Variants in IZUMO2 observed in about 807,000 individuals in gnomAD.
IZUMO2 encodes izumo sperm-egg fusion protein 2.
IZUMO2 carries 24 observed loss-of-function variants against 31.2 expected under a neutral mutation model. The ratio of observed to expected loss-of-function variants is 0.77; its 90% CI spans 0.56 to 1.08. The LOEUF is 1.08. IZUMO2 is among the 50% of genes least tolerant of loss of function. The probability of loss-of-function intolerance (pLI) is 0.00; values close to 1 mark genes in which losing one functional copy is unlikely to be tolerated. For missense variants in IZUMO2, 278 were observed against 274.0 expected (o/e 1.01, Z -0.10); for synonymous variants, 144 against 117.3 (o/e 1.23, Z -1.47).
chr19:50,162,234 G>C (rs2030423532), intron 2 of IZUMO2, among the ~76,000 whole-genome samples: 1 of 152,114 alleles, frequency 6.6e-6, no homozygotes, highest in South Asian at 2.1e-4. Context: ...AGTGAGCAGA[G>C]ATTGTGGCAC....
chr19:50,159,113 T>C, intron 4 of IZUMO2, 117 bp downstream of exon 4: 1 of 970,190 alleles, frequency 1.0e-6, no homozygotes, highest in Non-Finnish European at 1.6e-6. Flanking sequence ...TACCATGGCT[T>C]TGGGGTAAGG....
At position 50,162,796 on chromosome 19, in the gene IZUMO2, G is replaced by A. The variant is rs1231077796; in HGVS notation, c.250C>T (p.Leu84Phe). Residue 84 changes from leucine to phenylalanine, a missense_variant, in exon 2 of 7, where the codon CTT becomes TTT. Transcript: ENST00000293405. ...TGGTTCTTGACAAAGGACGCCACAA[G>A]GTCCAGTTGATTTGTCTCTGGGGGG... The part of the protein sequence containing the change: ...VGKVETNQLD[L>F]VASFVKNQTQ... 3 of 1,613,756 alleles carry A rather than the reference G, an allele frequency of 1.9e-6. No homozygotes were observed. The highest frequency in any genetic ancestry group is 4.5e-5 in the East Asian group (2 of 44,884).
chr19:50,153,072 AG>A (rs2030082352), intron 6 of IZUMO2, among the ~76,000 whole-genome samples: 2 of 152,286 alleles, frequency 1.3e-5, no homozygotes, highest in South Asian at 4.1e-4. Flanking sequence ...GATGTAATTA[AG>A]TTAAGGTGAC....
intron 4 of IZUMO2, among the ~76,000 whole-genome samples, chr19:50,158,962 T>C (rs1044678213): frequency 1.9e-4 from 29 of 152,234 alleles, no homozygotes; most frequent in Non-Finnish European, 4.3e-4. Flanking sequence ...AATAAACCTT[T>C]GTTGTGTTAA....
At chr19:50,155,923 C>A (rs1025332680) in intron 5 of IZUMO2, among the ~76,000 whole-genome samples, 1 of 152,198 alleles carries the variant, frequency 6.6e-6, no homozygotes, top group Non-Finnish European at 1.5e-5. Flanking sequence ...CCACACTGGC[C>A]TTCTCCTCCT....
Position 50,154,699 on chromosome 19 carries a change from T to C in IZUMO2, c.524A>G (p.Gln175Arg), listed in dbSNP as rs768910034. The C allele has an allele frequency of 1.2e-6, 2 of 1,613,962 alleles. No individual in the cohort carries two copies. The highest frequency in any genetic ancestry group is 2.2e-5 in the South Asian group (2 of 91,076). ...FVDRQPRVAL[Q>R]YQMDSKYPRN... ...CGGGTATTTGCTGTCCATCTGGTAC[T>C]GCAGGGCCACGCGGGGTTGCCGGTC... is the stretch of plus-strand genomic sequence containing the variant. Residue 175 changes from glutamine (Q) to arginine (R), a missense_variant, in exon 6 of 7, where the codon CAG (glutamine) becomes CGG (arginine). By Grantham distance (43) the Gln-to-Arg change is conservative. Transcript: ENST00000293405.
Position 50,154,630 on chromosome 19 carries a change from G to C in IZUMO2, c.593C>G (p.Ala198Gly). ...LLGILISVSLAVFVFVVIVVS... is the reference protein window; with the variant it reads ...LLGILISVSLGVFVFVVIVVS... ...CACGATGACCACGAAGACAAAGACAGCCAGAGACACAGAAATGAGGATGCC... is the reference window on the plus strand; with the variant it reads ...CACGATGACCACGAAGACAAAGACACCCAGAGACACAGAAATGAGGATGCC... Residue 198 changes from alanine to glycine, a missense_variant, in exon 6 of 7, where the codon GCT (alanine) becomes GGT (glycine). Transcript: ENST00000293405. 1 of 1,614,048 alleles carries C rather than the reference G, an allele frequency of 6.2e-7. No individual in the cohort carries two copies. The highest frequency in any genetic ancestry group is 8.5e-7 in the Non-Finnish European group (1 of 1,179,996).
Position 50,154,626 on chromosome 19 carries a change from G to A in IZUMO2, c.597C>T (p.Val199=), listed in dbSNP as rs776480137. Residue 199 remains valine (V), a synonymous_variant, in exon 6 of 7, where the codon GTC becomes GTT. Coordinates refer to ENST00000293405, the MANE Select transcript of IZUMO2 (RefSeq NM_152358.3). Reference sequence around the variant, plus strand: ...AGACCACGATGACCACGAAGACAAAGACAGCCAGAGACACAGAAATGAGGA... The same window carrying A: ...AGACCACGATGACCACGAAGACAAAAACAGCCAGAGACACAGAAATGAGGA... ...LGILISVSLA[V]FVFVVIVVSA... is the part of the protein sequence containing the mutation. 3.1e-6 allele frequency: 5 copies of A among 1,614,044 alleles called. No individual in the cohort carries two copies. Among genetic ancestry groups the A allele is most frequent in the Non-Finnish European group, 4.2e-6 (5 of 1,179,988 alleles).
chr19:50,154,001 A>T (rs1169480210), intron 6 of IZUMO2, among the ~76,000 whole-genome samples: 1 of 67,118 alleles, frequency 1.5e-5, no homozygotes, highest in Non-Finnish European at 2.7e-5. Flanking sequence ...GGGGCCGGAG[A>T]AGGGGCTGGG....
chr19:50,159,079 C>G, intron 4 of IZUMO2, 151 bp downstream of exon 4: 1 of 736,626 alleles, frequency 1.4e-6, no homozygotes, highest in Non-Finnish European at 2.4e-6. Flanking sequence ...TTTCATAAAC[C>G]TTTAAAAAGC....
intron 5 of IZUMO2, 22 bp from the exon 6 acceptor site, chr19:50,154,748 C>T: frequency 6.2e-7 from 1 of 1,611,468 alleles, no homozygotes. Context: ...GGGGAAACAG[C>T]CCCGACCTCC....
chr19:50,161,669 C>T (rs2030405884), intron 2 of IZUMO2, among the ~76,000 whole-genome samples: 1 of 152,158 alleles, frequency 6.6e-6, no homozygotes, highest in South Asian at 2.1e-4. Context: ...CCCTAGACCC[C>T]CTCATGGCTG....
chr19:50,154,538 G>A (rs955532620), intron 6 of IZUMO2, 62 bp downstream of exon 6: 40 of 1,581,478 alleles, frequency 2.5e-5, no homozygotes, highest in African/African-American at 4.1e-5. Flanking sequence ...CAGGGGAGTC[G>A]CCATTTTTGA....
intron 2 of IZUMO2, among the ~76,000 whole-genome samples, chr19:50,161,221 T>A (rs2030390571): frequency 6.6e-6 from 1 of 150,550 alleles, no homozygotes; most frequent in Non-Finnish European, 1.5e-5. Flanking sequence ...GCCTCCTGGG[T>A]TCAAGCAATT....
chr19:50,154,264 G>GTTTTTTTGTTTTTTTTT lies in IZUMO2; in HGVS notation c.623+335_623+336insAAAAAAAAACAAAAAAA, dbSNP rs2030129784. The stretch of plus-strand genomic sequence containing the variant: ...GCATCCACCAAATATAACTTTTAGC[G>GTTTTTTTGTTTTTTTTT]TTTTTTTTTTTTTTTTTTTTTTTTT... On this transcript the variant is annotated intron_variant, in intron 6 of 6. Transcript: ENST00000293405. Among the ~76,000 whole-genome samples, 4 of 79,280 alleles carry GTTTTTTTGTTTTTTTTT rather than the reference G, an allele frequency of 5.0e-5. 2 individuals are homozygous for GTTTTTTTGTTTTTTTTT. Among genetic ancestry groups the GTTTTTTTGTTTTTTTTT allele is most frequent in the Non-Finnish European group, 5.0e-5 (2 of 40,134 alleles). The allele number at this position is 79,280 out of a possible 152,430, so 52.0% of individuals were successfully genotyped here.
intron 2 of IZUMO2, among the ~76,000 whole-genome samples, chr19:50,161,106 G>C (rs1275928357): frequency 6.6e-6 from 1 of 150,404 alleles, no homozygotes; most frequent in South Asian, 2.1e-4. Flanking sequence ...GTGCTTTGAC[G>C]CCTTTTTCTT....
chr19:50,157,894 T>A (rs1428276556), intron 5 of IZUMO2, among the ~76,000 whole-genome samples: 2 of 147,564 alleles, frequency 1.4e-5, no homozygotes, highest in East Asian at 4.0e-4. Flanking sequence ...TACTCCAGCC[T>A]GGGCGAGAAT....
chr19:50,154,815 G>T (rs1212136108), intron 5 of IZUMO2, 89 bp from the exon 6 acceptor site: 6 of 1,478,312 alleles, frequency 4.1e-6, no homozygotes, highest in Non-Finnish European at 5.5e-6. Context: ...CAGCAGCCTG[G>T]GGCAGGGGTG....
At chr19:50,157,492 C>T (rs761969586) in intron 5 of IZUMO2, among the ~76,000 whole-genome samples, 19 of 150,820 alleles carry the variant, frequency 1.3e-4, no homozygotes, top group African/African-American at 3.6e-4. Context: ...TTAGTAGAGA[C>T]GGGGTTTCAC....
Sources: gnomAD v4.1 joint callset for allele counts (sites outside exome capture counted in the v4.1 genomes callset) on GRCh38, gnomAD v4.1.1 for gene constraint, MANE v1.5 for transcripts, NCBI Gene and HGNC (gene_info 2026-07-23, HGNC 2026-07-21) for gene names.